Variants in TRIQK observed in about 807,000 individuals in gnomAD.
TRIQK encodes the protein triple QxxK/R motif containing.
Under a neutral mutation model 10.8 loss-of-function variants are expected in TRIQK, and 10 were observed. The ratio of observed to expected loss-of-function variants is 0.92; its 90% CI spans 0.57 to 1.57. The LOEUF (loss-of-function observed/expected upper bound fraction) is 1.57. TRIQK is among the 40% of genes most tolerant of loss of function. The probability of loss-of-function intolerance (pLI) is 0.00; values close to 1 mark genes in which losing one functional copy is unlikely to be tolerated. For synonymous variants in TRIQK, 33 were observed against 33.7 expected (o/e 0.98, Z 0.07); for missense variants, 107 against 97.7 (o/e 1.09, Z -0.40).
intron 1 of TRIQK, among the ~76,000 whole-genome samples, chr8:92,963,264 T>C (rs1454878261): frequency 2.6e-5 from 4 of 152,208 alleles, no homozygotes; most frequent in Non-Finnish European, 4.4e-5. Flanking sequence ...AGTTTTTCCT[T>C]ATCCAATAAC....
intron 2 of TRIQK, among the ~76,000 whole-genome samples, chr8:92,950,992 C>T (rs1811868599): frequency 6.6e-6 from 1 of 152,028 alleles, no homozygotes. Flanking sequence ...TTTGCATTAA[C>T]CTATGTTGTA....
intron 2 of TRIQK, among the ~76,000 whole-genome samples, chr8:92,918,682 G>A (rs1256361441): frequency 2.0e-5 from 3 of 151,800 alleles, no homozygotes; most frequent in Non-Finnish European, 4.4e-5. Flanking sequence ...TCTTCACTTT[G>A]TTGATTGTTT....
intron 1 of TRIQK, among the ~76,000 whole-genome samples, chr8:92,989,625 G>A (rs1023694005): frequency 2.0e-5 from 3 of 152,172 alleles, no homozygotes; most frequent in Admixed American, 2.0e-4. Flanking sequence ...CAAGCTCAGG[G>A]CTCCCACTGA....
intron 1 of TRIQK, among the ~76,000 whole-genome samples, chr8:92,955,456 C>T (rs1812121334): frequency 6.6e-6 from 1 of 151,604 alleles, no homozygotes; most frequent in African/African-American, 2.4e-5. Context: ...AATGCAAAGA[C>T]TAAAACTATA....
intron 1 of TRIQK, among the ~76,000 whole-genome samples, chr8:92,958,101 T>A (rs1296703698): frequency 6.6e-6 from 1 of 151,964 alleles, no homozygotes; most frequent in Non-Finnish European, 1.5e-5. Context: ...GCATGTCATA[T>A]AAGAGCCTCC....
chr8:92,951,806 C>A (rs1811924825), intron 2 of TRIQK, among the ~76,000 whole-genome samples: 1 of 152,078 alleles, frequency 6.6e-6, no homozygotes, highest in African/African-American at 2.4e-5. Flanking sequence ...GGAAAACCCC[C>A]AACTCTAGCC....
chr8:92,982,105 C>G (rs1051816396), intron 1 of TRIQK, among the ~76,000 whole-genome samples: 1 of 151,218 alleles, frequency 6.6e-6, no homozygotes, highest in Non-Finnish European at 1.5e-5. Context: ...TCTGTTTTTC[C>G]TTAGAAAAAT....
At chr8:92,937,745 T>A (rs1019707671) in intron 2 of TRIQK, among the ~76,000 whole-genome samples, 1 of 151,870 alleles carries the variant, frequency 6.6e-6, no homozygotes, top group African/African-American at 2.4e-5. Flanking sequence ...CAAATAATAT[T>A]ATACTACTCT....
intron 1 of TRIQK, among the ~76,000 whole-genome samples, chr8:92,995,725 T>G (rs1813146563): frequency 6.6e-6 from 1 of 152,078 alleles, no homozygotes; most frequent in Admixed American, 6.6e-5. Context: ...TTGACTCTAC[T>G]TAAAGGGACT....
At chr8:92,987,825 A>C (rs910590952) in intron 1 of TRIQK, among the ~76,000 whole-genome samples, 3 of 152,048 alleles carry the variant, frequency 2.0e-5, no homozygotes, top group Admixed American at 1.3e-4. Context: ...TCAAGTAAAA[A>C]TTCAAGCTAA....
chr8:92,949,782 A>AAAAGAAAGAAAGAAAGAAAG (rs80051316), intron 2 of TRIQK, among the ~76,000 whole-genome samples: 4 of 72,044 alleles, frequency 5.6e-5, no homozygotes, highest in Admixed American at 1.7e-4. Context: ...GAAAGAAAGA[A>AAAAGAAAGAAAGAAAGAAAG]AAAGAAAGAA....
chr8:92,895,168 T>G (rs551078003), intron 3 of TRIQK, among the ~76,000 whole-genome samples: 74 of 152,356 alleles, frequency 4.9e-4, no homozygotes, highest in African/African-American at 1.8e-3. Flanking sequence ...TCTTTGGCCC[T>G]TCTGCCTTCC....
chr8:92,958,993 CTTTA>C (rs1241764647), intron 1 of TRIQK, among the ~76,000 whole-genome samples: 1 of 151,934 alleles, frequency 6.6e-6, no homozygotes, highest in Admixed American at 6.6e-5. Context: ...TCTAATAAAA[CTTTA>C]TTTATAAACA....
intron 2 of TRIQK, among the ~76,000 whole-genome samples, chr8:92,922,985 T>G: frequency 6.6e-6 from 1 of 151,958 alleles, no homozygotes; most frequent in East Asian, 1.9e-4. Context: ...AAAAAATGCT[T>G]ATAGAACACA....
At chr8:92,949,162 T>C (rs924715693) in intron 2 of TRIQK, among the ~76,000 whole-genome samples, 4 of 152,230 alleles carry the variant, frequency 2.6e-5, no homozygotes, top group Non-Finnish European at 5.9e-5. Context: ...GCTTCCTGAT[T>C]AGAGAATTAT....
chr8:92,982,351 T>C (rs1036041096), intron 1 of TRIQK, among the ~76,000 whole-genome samples: 1 of 152,098 alleles, frequency 6.6e-6, no homozygotes, highest in South Asian at 2.1e-4. Context: ...TGAATTTCAA[T>C]AGAAATAAAG....
intron 1 of TRIQK, among the ~76,000 whole-genome samples, chr8:92,961,607 C>T (rs745453044): frequency 6.6e-6 from 1 of 152,212 alleles, no homozygotes; most frequent in African/African-American, 2.4e-5. Flanking sequence ...GTGCACCTTC[C>T]ACCTGCTATA....
chr8:92,899,620 A>G (rs1358559111), intron 3 of TRIQK, among the ~76,000 whole-genome samples: 2 of 152,194 alleles, frequency 1.3e-5, no homozygotes, highest in Non-Finnish European at 2.9e-5. Flanking sequence ...TTCATTGTGT[A>G]TAAGTAACAC....
At chr8:93,015,109 A>T (rs769533603) in intron 1 of TRIQK, among the ~76,000 whole-genome samples, 2 of 152,010 alleles carry the variant, frequency 1.3e-5, no homozygotes, top group Non-Finnish European at 2.9e-5. Context: ...TCCGGCAATA[A>T]CAACATTTTA....
Sources: allele counts gnomAD v4.1 joint callset (sites outside exome capture counted in the v4.1 genomes callset), GRCh38; gene constraint gnomAD v4.1.1; transcripts MANE v1.5; gene names NCBI Gene and HGNC (gene_info 2026-07-23, HGNC 2026-07-21).